DNAH6: variants seen among roughly 807,000 people sequenced by gnomAD.
DNAH6 encodes dynein axonemal heavy chain 6, also known as axonemal beta dynein heavy chain 6.
A neutral mutation model predicts 491.4 loss-of-function variants in DNAH6; 340 were observed. The ratio of observed to expected loss-of-function variants is 0.69; its 90% confidence interval spans 0.63 to 0.76. The LOEUF (loss-of-function observed/expected upper bound fraction) is 0.76. Ranked by LOEUF, DNAH6 falls within the 30% of genes least tolerant of loss-of-function variation. The pLI is 0.00. For missense variants in DNAH6, 4,443 were observed against 4,972.2 expected (o/e 0.89, Z 3.20); for synonymous variants, 1,603 against 1,686.1 (o/e 0.95, Z 1.21).
At chr2:84,528,050 A>G (rs1676770744) in intron 3 of DNAH6, among the ~76,000 whole-genome samples, 1 of 152,168 alleles carries the variant, frequency 6.6e-6, no homozygotes, top group East Asian at 1.9e-4. Flanking sequence ...AACCTCCTCC[A>G]TGGGAGGAAC....
chr2:84,489,536 A>G, the DNAH6 span, among the ~76,000 whole-genome samples: 1 of 152,120 alleles, frequency 6.6e-6, no homozygotes, highest in Non-Finnish European at 1.5e-5. Flanking sequence ...ATATCTTCAC[A>G]TACTCACAGG....
intron 4 of DNAH6, among the ~76,000 whole-genome samples, chr2:84,540,761 A>G (rs1177068584): frequency 6.6e-6 from 1 of 152,206 alleles, no homozygotes; most frequent in East Asian, 1.9e-4. Context: ...TTTAAGATGG[A>G]TACAGACAGG....
chr2:84,756,288 A>G (rs1461690896), intron 63 of DNAH6, among the ~76,000 whole-genome samples: 1 of 152,246 alleles, frequency 6.6e-6, no homozygotes, highest in Admixed American at 6.5e-5. Context: ...CTTGAGAAAG[A>G]AAGTTTACTT....
chr2:84,618,094 A>G (rs1687052852), intron 23 of DNAH6, among the ~76,000 whole-genome samples: 2 of 152,144 alleles, frequency 1.3e-5, no homozygotes, highest in African/African-American at 2.4e-5. Flanking sequence ...TTACTTGGGA[A>G]AGATTTGGTC....
At chr2:84,709,806 G>A (rs1696862292) in intron 55 of DNAH6, among the ~76,000 whole-genome samples, 1 of 152,040 alleles carries the variant, frequency 6.6e-6, no homozygotes, top group South Asian at 2.1e-4. Flanking sequence ...TTCATTTTTT[G>A]TTTTCTGTGA....
intron 35 of DNAH6, among the ~76,000 whole-genome samples, chr2:84,655,516 A>C (rs1690877271): frequency 6.6e-6 from 1 of 152,110 alleles, no homozygotes; most frequent in Non-Finnish European, 1.5e-5. Flanking sequence ...AAGATGAGCC[A>C]GAAAACTATT....
At chr2:84,580,599 C>G (rs1178482610) in intron 14 of DNAH6, among the ~76,000 whole-genome samples, 2 of 152,200 alleles carry the variant, frequency 1.3e-5, no homozygotes, top group Non-Finnish European at 2.9e-5. Context: ...TGCTATTTCA[C>G]ATGACTACAA....
chr2:84,561,745 A>G (rs907410187), intron 11 of DNAH6, among the ~76,000 whole-genome samples: 3 of 152,234 alleles, frequency 2.0e-5, no homozygotes, highest in African/African-American at 7.2e-5. Flanking sequence ...ATGAACAGAC[A>G]TTTCTCAAAA....
chr2:84,547,742 A>G, intron 7 of DNAH6, 130 bp downstream of exon 7: 1 of 997,316 alleles, frequency 1.0e-6, no homozygotes, highest in South Asian at 1.8e-5. Flanking sequence ...TTTGATGGAT[A>G]TTATAAATTT....
chr2:84,460,343 T>C, the DNAH6 span, among the ~76,000 whole-genome samples: 5 of 152,244 alleles, frequency 3.3e-5, no homozygotes, highest in Non-Finnish European at 5.9e-5. Context: ...TTGTGATAAC[T>C]AAATTCCTCA....
At chr2:84,486,757 A>G in the DNAH6 span, among the ~76,000 whole-genome samples, 2 of 152,186 alleles carry the variant, frequency 1.3e-5, no homozygotes, top group Non-Finnish European at 2.9e-5. Context: ...TTCACCACAT[A>G]TGCAATAGAA....
chr2:84,504,710 T>G, the DNAH6 span, among the ~76,000 whole-genome samples: 1 of 152,238 alleles, frequency 6.6e-6, no homozygotes, highest in Non-Finnish European at 1.5e-5. Context: ...TTCTATTATA[T>G]TCATCTATAT....
intron 62 of DNAH6, among the ~76,000 whole-genome samples, chr2:84,735,111 C>G (rs1268533007): frequency 6.6e-6 from 1 of 152,016 alleles, no homozygotes; most frequent in African/African-American, 2.4e-5. Context: ...CTGTGTGTAC[C>G]CAATGTTTAG....
chr2:84,787,790 A>T (rs1400678308), intron 68 of DNAH6, among the ~76,000 whole-genome samples: 1 of 152,192 alleles, frequency 6.6e-6, no homozygotes, highest in Non-Finnish European at 1.5e-5. Flanking sequence ...TAATTCAGAT[A>T]TACCTGTAAA....
chr2:84,692,480 GATAA>G (rs1220136978), intron 45 of DNAH6, among the ~76,000 whole-genome samples: 338 of 131,984 alleles, frequency 2.6e-3, no homozygotes, highest in African/African-American at 9.2e-3. Flanking sequence ...TAGATAGATA[GATAA>G]ATTTCCCAGA....
intron 61 of DNAH6, 91 bp downstream of exon 61, chr2:84,727,993 T>C (rs1698797914): frequency 1.6e-5 from 13 of 828,994 alleles, no homozygotes; most frequent in South Asian, 1.2e-4. Flanking sequence ...ATAATTCCCA[T>C]GTGCTGTAGG....
chr2:84,736,518 G>A (rs560935119), intron 62 of DNAH6, among the ~76,000 whole-genome samples: 4 of 151,828 alleles, frequency 2.6e-5, no homozygotes, highest in South Asian at 2.1e-4. Context: ...CCTTTCTTTC[G>A]GCAATGTTTT....
At chr2:84,738,480 C>A (rs763704017) in intron 62 of DNAH6, among the ~76,000 whole-genome samples, 2 of 152,088 alleles carry the variant, frequency 1.3e-5, no homozygotes, top group Admixed American at 6.5e-5. Flanking sequence ...CTGCCAAAGT[C>A]TTTCATTAAG....
chr2:84,631,178 C>A lies in DNAH6; in HGVS notation c.4516-3326C>A, dbSNP rs56933042. ...ATTTCACAGACCACCAACTACAGAC[C>A]AGGTCACGATGCATCCATTATGGAA... On this transcript the variant is annotated intron_variant, in intron 29 of 76. Transcript: ENST00000389394. Among the ~76,000 whole-genome samples the A allele has an allele frequency of 4.7e-3, 713 of 152,244 alleles. 5 individuals are homozygous for A. The highest frequency in any genetic ancestry group is 0.016 in the African/African-American group (653 of 41,534).
Sources: gnomAD v4.1 joint callset for allele counts (sites outside exome capture counted in the v4.1 genomes callset) on GRCh38, gnomAD v4.1.1 for gene constraint, MANE v1.5 for transcripts, NCBI Gene and HGNC (gene_info 2026-07-23, HGNC 2026-07-21) for gene names.